Variants in ZNF470 observed in about 807,000 individuals in gnomAD.
The protein encoded by ZNF470 is zinc finger protein 470.
In ZNF470, 13 loss-of-function variants were observed where a neutral mutation model predicts 13.9. The ratio of observed to expected loss-of-function variants is 0.94; its 90% CI spans 0.61 to 1.49. The LOEUF is 1.49. ZNF470 is among the 40% of genes most tolerant of loss of function. The pLI, the probability that ZNF470 is intolerant of heterozygous loss-of-function variation, is 0.00. For missense variants in ZNF470, 929 were observed against 857.3 expected (o/e 1.08, Z -1.04); for synonymous variants, 293 against 282.9 (o/e 1.04, Z -0.36).
Position 56,577,580 on chromosome 19 carries a change from T to C in ZNF470, c.1151T>C (p.Ile384Thr), listed in dbSNP as rs369171394. Residue 384 changes from isoleucine (I) to threonine (T), a missense_variant, in exon 6 of 6, where the codon ATA becomes ACA. Transcript: ENST00000330619. ...GKAFRQNASL[I>T]RHRRYYHTGE... ...GCTTTCAGGCAGAATGCTTCTCTTA[T>C]ACGTCATCGGCGATATTATCATACT... The C allele has an allele frequency of 2.9e-5, 46 of 1,614,004 alleles. No homozygotes were observed. Among genetic ancestry groups the C allele is most frequent in the Non-Finnish European group, 3.6e-5 (42 of 1,180,014 alleles).
rs1311553069 is a variant in ZNF470, at chr19:56,577,621, G to C, written c.1192G>C (p.Asp398His). 6.2e-7 allele frequency: 1 copy of C among 1,613,904 alleles called. No individual in the cohort carries two copies. Among genetic ancestry groups the C allele is most frequent in the Non-Finnish European group, 8.5e-7 (1 of 1,180,012 alleles). Reference protein sequence around the residue: ...RYYHTGEKPFDCIDCGKAFTD... With the variant: ...RYYHTGEKPFHCIDCGKAFTD... ...TTATCATACTGGAGAGAAACCCTTT[G>C]ACTGTATTGATTGTGGGAAGGCTTT... Residue 398 changes from aspartate to histidine, a missense_variant, in exon 6 of 6, where the codon GAC (aspartate) becomes CAC (histidine). By Grantham distance (81) the Asp-to-His change is moderately conservative. Transcript: ENST00000330619.
rs2044507276 is a variant in ZNF470, at chr19:56,578,195, G to T, written c.1766G>T (p.Gly589Val). 6.2e-7 allele frequency: 1 copy of T among 1,614,072 alleles called. No homozygotes were observed. The highest frequency in any genetic ancestry group is 8.5e-7 in the Non-Finnish European group (1 of 1,180,006). The change falls in exon 6 of 6, where the codon GGC (glycine) becomes GTC (valine). Residue 589 changes from glycine (G) to valine (V), a missense_variant. Transcript: ENST00000330619. The part of the protein sequence containing the change: ...YLVQHQRLHS[G>V]KRPYECLECG... ...GTTCAACATCAGAGACTCCACAGTG[G>T]CAAAAGACCGTATGAATGTCTTGAA...
Position 56,582,588 on chromosome 19 carries a change from T to A in ZNF470, c.*4005T>A. 1 of 985,276 alleles carries A rather than the reference T, an allele frequency of 1.0e-6. No individual in the cohort carries two copies. 61.0% of individuals were successfully genotyped at this position (985,276 alleles called of 1,614,324 possible). A position where few individuals can be genotyped will look rare whatever the true frequency, so the allele number is the denominator to read the frequency against. On this transcript the variant is annotated 3_prime_UTR_variant, in exon 6 of 6. Coordinates refer to ENST00000330619, the MANE Select transcript of ZNF470 (RefSeq NM_001001668.4). ...TGGCCTCTACCACCACCAAATTTAC[T>A]TGTTGAAGTCCTAAACCCCAACATG...
At position 56,582,192 on chromosome 19, in the gene ZNF470, G is replaced by A. The variant is rs1013219413; in HGVS notation, c.*3609G>A. 1.1e-5 allele frequency: 11 copies of A among 985,264 alleles called. No individual in the cohort carries two copies. The African/African-American group carries it at 1.9e-4, about 17-fold the overall frequency. The allele number at this position is 985,264 out of a possible 1,614,324, so 61.0% of individuals were successfully genotyped here. A position where few individuals can be genotyped will look rare whatever the true frequency, so the allele number is the denominator to read the frequency against. On this transcript the variant is annotated 3_prime_UTR_variant, in exon 6 of 6. Transcript: ENST00000330619. ...AGCAAACGCCTGATTATTCATTATA[G>A]TCACCTGGGATGAATAGAGGTCTAG...
chr19:56,572,371 A>ATATGTATATATATATATATAT (rs1179200077), intron 3 of ZNF470, among the ~76,000 whole-genome samples: 1 of 17,238 alleles, frequency 5.8e-5, no homozygotes, highest in African/African-American at 8.3e-4. Context: ...AAAAAAAAAA[A>ATATGTATATATATATATATAT]ATATATATAT....
In ZNF470 at chr19:56,576,805, A is replaced by G; in HGVS notation, c.376A>G (p.Lys126Glu). ...LPPAIIMERL[K>E]SYDLECSTLG... is the part of the protein sequence containing the mutation. ...CCCGGCAATCATAATGGAAAGACTT[A>G]AAAGCTATGACCTTGAATGTTCAAC... Residue 126 changes from lysine (K) to glutamate (E), a missense_variant, in exon 6 of 6, where the codon AAA becomes GAA. Transcript: ENST00000330619. 6.4e-7 allele frequency: 1 copy of G among 1,574,410 alleles called. No individual in the cohort carries two copies. The highest frequency in any genetic ancestry group is 8.6e-7 in the Non-Finnish European group (1 of 1,167,098).
chr19:56,574,760 G>A (rs761950275), intron 5 of ZNF470, 27 bp downstream of exon 5: 2 of 1,587,618 alleles, frequency 1.3e-6, no homozygotes, highest in Non-Finnish European at 1.7e-6. Context: ...TAGAGATAAA[G>A]GAACTGTTCT....
intron 3 of ZNF470, among the ~76,000 whole-genome samples, chr19:56,571,113 T>C (rs975397391): frequency 1.3e-5 from 2 of 152,234 alleles, no homozygotes; most frequent in Non-Finnish European, 2.9e-5. Flanking sequence ...ATGGGATTGA[T>C]GGCATTCTGA....
At chr19:56,570,397 A>T (rs1299020697) in intron 3 of ZNF470, 26 bp downstream of exon 3, 1 of 1,611,094 alleles carries the variant, frequency 6.2e-7, no homozygotes, top group Non-Finnish European at 8.5e-7. Flanking sequence ...CCCTCTCCCC[A>T]CTAAAATAGT....
intron 1 of ZNF470, 132 bp downstream of exon 1, chr19:56,568,170 T>C: frequency 3.1e-6 from 3 of 953,670 alleles, no homozygotes; most frequent in Non-Finnish European, 3.7e-6. Flanking sequence ...GTCGAAAGAT[T>C]TGGAGGGTCA....
chr19:56,574,117 CA>C, intron 3 of ZNF470: 1 of 331,574 alleles, frequency 3.0e-6, no homozygotes. Flanking sequence ...TGAATGTAGT[CA>C]GCATTTTTTC....
chr19:56,576,686 G>A (rs889493923), intron 5 of ZNF470, 27 bp from the exon 6 acceptor site: 4 of 1,369,716 alleles, frequency 2.9e-6, no homozygotes, highest in African/African-American at 2.9e-5. Flanking sequence ...TAATAAAGGA[G>A]ACATTTACTT....
chr19:56,577,895 C>T lies in ZNF470; in HGVS notation c.1466C>T (p.Ala489Val). ...TATGAATGTAAAGAATGTGGGAAAGCTTTCCGGCAGAGCACGCATCTGGCT... is the reference window on the plus strand; with the variant it reads ...TATGAATGTAAAGAATGTGGGAAAGTTTTCCGGCAGAGCACGCATCTGGCT... ...KPYECKECGK[A>V]FRQSTHLAHH... Residue 489 changes from alanine to valine, a missense_variant, in exon 6 of 6, where the codon GCT becomes GTT. Coordinates refer to ENST00000330619, the MANE Select transcript of ZNF470 (RefSeq NM_001001668.4). The T allele has an allele frequency of 2.5e-6, 4 of 1,613,938 alleles. No homozygotes were observed. Among genetic ancestry groups the T allele is most frequent in the Non-Finnish European group, 3.4e-6 (4 of 1,179,904 alleles).
In ZNF470 at chr19:56,580,816, T is replaced by G; in HGVS notation, c.*2233T>G. Reference sequence around the variant, plus strand: ...AGAATGTGGAGCTTTCAGACTCTCCTTATATATGATAAAAAGGATTTTTCA... The same window carrying G: ...AGAATGTGGAGCTTTCAGACTCTCCGTATATATGATAAAAAGGATTTTTCA... On this transcript the variant is annotated 3_prime_UTR_variant, in exon 6 of 6. Coordinates refer to ENST00000330619, the MANE Select transcript of ZNF470 (RefSeq NM_001001668.4). 1.0e-6 allele frequency: 1 copy of G among 984,174 alleles called. No individual in the cohort carries two copies. The highest frequency in any genetic ancestry group is 1.2e-6 in the Non-Finnish European group (1 of 828,864). The allele number at this position is 984,174 out of a possible 1,614,324, so 61.0% of individuals were successfully genotyped here.
chr19:56,581,017 T>C lies in ZNF470; in HGVS notation c.*2434T>C. 1.0e-6 allele frequency: 1 copy of C among 985,308 alleles called. No homozygotes were observed. The highest frequency in any genetic ancestry group is 1.2e-6 in the Non-Finnish European group (1 of 829,800). 61.0% of individuals were successfully genotyped at this position (985,308 alleles called of 1,614,324 possible). ...ATGTACCCTCGGTTTGAAATAGACT[T>C]TAAGCACTAATGCATAACCCCAAAG... On this transcript the variant is annotated 3_prime_UTR_variant, in exon 6 of 6. Transcript: ENST00000330619.
chr19:56,578,307 T>C lies in ZNF470; in HGVS notation c.1878T>C (p.Cys626=), dbSNP rs1287646876. ...TGEKPYECNV[C]GKAFSHRKSL... The stretch of plus-strand genomic sequence containing the variant: ...AGAAACCTTATGAATGTAATGTTTG[T>C]GGGAAAGCCTTTAGCCATCGTAAAT... Residue 626 remains cysteine, a synonymous_variant, in exon 6 of 6, where the codon TGT becomes TGC. Coordinates refer to ENST00000330619, the MANE Select transcript of ZNF470 (RefSeq NM_001001668.4). 1.2e-6 allele frequency: 2 copies of C among 1,613,062 alleles called. No individual in the cohort carries two copies. Among genetic ancestry groups the C allele is most frequent in the Non-Finnish European group, 1.7e-6 (2 of 1,179,560 alleles).
chr19:56,574,322 A>G (rs762996490), intron 3 of ZNF470, 72 bp from the exon 4 acceptor site: 32 of 1,608,048 alleles, frequency 2.0e-5, no homozygotes, highest in Non-Finnish European at 2.6e-5. Flanking sequence ...TGAGAACAGC[A>G]TAACTCTTTA....
chr19:56,570,526 A>T (rs1227992533), intron 3 of ZNF470, among the ~76,000 whole-genome samples, 155 bp downstream of exon 3: 2 of 152,110 alleles, frequency 1.3e-5, no homozygotes, highest in Non-Finnish European at 2.9e-5. Flanking sequence ...GTTGTGAGTG[A>T]GGGATAGACT....
Position 56,577,210 on chromosome 19 carries a change from T to C in ZNF470, c.781T>C (p.Cys261Arg). 3.1e-6 allele frequency: 5 copies of C among 1,612,442 alleles called. No individual in the cohort carries two copies. The highest frequency in any genetic ancestry group is 4.2e-6 in the Non-Finnish European group (5 of 1,179,446). The change falls in exon 6 of 6, where the codon TGT (cysteine) becomes CGT (arginine). Residue 261 changes from cysteine to arginine, a missense_variant. Transcript: ENST00000330619. ...TGEKPYECIE[C>R]GKAFSQSAHL... ...AGAGAAACCCTATGAATGTATTGAA[T>C]GTGGAAAGGCCTTTAGCCAGAGTGC...
Sources: gnomAD v4.1 joint callset for allele counts (sites outside exome capture counted in the v4.1 genomes callset) on GRCh38, gnomAD v4.1.1 for gene constraint, MANE v1.5 for transcripts, NCBI Gene and HGNC (gene_info 2026-07-23, HGNC 2026-07-21) for gene names.